Variants in RALYL observed in about 807,000 individuals in gnomAD.
RALYL encodes the protein RNA-binding Raly-like protein.
A neutral mutation model predicts 35.1 loss-of-function variants in RALYL; 29 were observed. That is an observed-to-expected ratio of 0.83 (90% CI 0.61 to 1.13). The LOEUF (loss-of-function observed/expected upper bound fraction) is 1.13. RALYL is among the 50% of genes most tolerant of loss of function. The pLI, the probability that RALYL is intolerant of heterozygous loss-of-function variation, is 0.00. For missense variants in RALYL, 359 were observed against 360.4 expected, an observed-to-expected ratio of 1.00 and a Z score of 0.03; for synonymous variants, 120 against 127.6, an observed-to-expected ratio of 0.94 and a Z score of 0.40.
At chr8:84,409,001 T>G (rs2043838092) in intron 1 of RALYL, among the ~76,000 whole-genome samples, 2 of 152,150 alleles carry the variant, frequency 1.3e-5, no homozygotes, top group Non-Finnish European at 2.9e-5. Flanking sequence ...TTAACTTTAG[T>G]CATCCTGATA....
At chr8:84,236,309 A>G (rs1826541215) in intron 1 of RALYL, among the ~76,000 whole-genome samples, 1 of 152,174 alleles carries the variant, frequency 6.6e-6, no homozygotes, top group Non-Finnish European at 1.5e-5. Context: ...AAATTACAGT[A>G]ATCAAAATTT....
chr8:84,599,805 A>C (rs1439842028), intron 2 of RALYL, among the ~76,000 whole-genome samples: 2 of 152,010 alleles, frequency 1.3e-5, no homozygotes, highest in Non-Finnish European at 2.9e-5. Context: ...TATTTTAGCT[A>C]TACACTTTTT....
chr8:84,564,762 G>A (rs917557618), intron 2 of RALYL, among the ~76,000 whole-genome samples: 21 of 151,530 alleles, frequency 1.4e-4, no homozygotes, highest in Middle Eastern at 3.4e-3. Context: ...ACATTTCATC[G>A]TATTTATATT....
intron 1 of RALYL, among the ~76,000 whole-genome samples, chr8:84,329,758 AT>A (rs1846477585): frequency 6.6e-6 from 1 of 152,040 alleles, no homozygotes; most frequent in Non-Finnish European, 1.5e-5. Context: ...GAACTTCTAT[AT>A]TTTTCACAAT....
intron 2 of RALYL, among the ~76,000 whole-genome samples, chr8:84,573,069 A>G (rs1588264549): frequency 1.3e-5 from 2 of 151,264 alleles, no homozygotes; most frequent in East Asian, 1.9e-4. Flanking sequence ...ATAACCTTTT[A>G]TTGTTTTTTC....
intron 4 of RALYL, among the ~76,000 whole-genome samples, chr8:84,823,768 C>G (rs1327888751): frequency 1.3e-5 from 2 of 152,022 alleles, no homozygotes; most frequent in Admixed American, 6.6e-5. Flanking sequence ...CTTCTTCCCT[C>G]TACTTCTTTA....
intron 1 of RALYL, among the ~76,000 whole-genome samples, chr8:84,313,407 G>C (rs879742674): frequency 2.0e-5 from 3 of 152,108 alleles, no homozygotes; most frequent in Non-Finnish European, 4.4e-5. Context: ...CAGAAAGTGG[G>C]GTTTTCTATC....
rs144624920 is a variant in RALYL, at chr8:84,322,777, C to T, written c.-24+138353C>T. Reference sequence around the variant, plus strand: ...GGTCCTATTTCTCATCAGTCTCAAGCTTCCCTACTTCCGGCCAGCTATTCT... The same window carrying T: ...GGTCCTATTTCTCATCAGTCTCAAGTTTCCCTACTTCCGGCCAGCTATTCT... On this transcript the variant is annotated intron_variant, in intron 1 of 8. Transcript: ENST00000521268. 7.4e-3 allele frequency among the ~76,000 whole-genome samples: 1,122 copies of T among 152,210 alleles called. 8 individuals are homozygous for T. The highest frequency in any genetic ancestry group is 8.5e-3 in the Non-Finnish European group (577 of 67,954).
intron 1 of RALYL, among the ~76,000 whole-genome samples, chr8:84,326,343 G>C (rs1458875448): frequency 6.6e-6 from 1 of 151,996 alleles, no homozygotes; most frequent in Non-Finnish European, 1.5e-5. Flanking sequence ...TCAGATTCCA[G>C]CCTTTGTTGA....
At chr8:84,540,313 T>TTG (rs138650642) in intron 2 of RALYL, among the ~76,000 whole-genome samples, 3,139 of 144,914 alleles carry the variant, frequency 0.022, 69 homozygotes, top group African/African-American at 0.063. Flanking sequence ...ATCATAGGAT[T>TTG]TGTGTGTGTG....
intron 8 of RALYL, among the ~76,000 whole-genome samples, chr8:84,907,697 A>G (rs112502644): frequency 2.0e-5 from 3 of 152,194 alleles, no homozygotes; most frequent in African/African-American, 7.2e-5. Flanking sequence ...TGCCAAATCT[A>G]TGCATCAGTG....
intron 2 of RALYL, among the ~76,000 whole-genome samples, chr8:84,674,497 A>G (rs755081868): frequency 6.6e-6 from 1 of 152,048 alleles, no homozygotes; most frequent in African/African-American, 2.4e-5. Flanking sequence ...TTAGTATGAT[A>G]TTGGCTGTGA....
At chr8:84,529,257 C>A in intron 1 of RALYL, 42 bp from the exon 2 acceptor site, 1 of 1,541,264 alleles carries the variant, frequency 6.5e-7, no homozygotes, top group Non-Finnish European at 8.8e-7. Context: ...TAATGATTTA[C>A]CTTTTGATTA....
intron 8 of RALYL, among the ~76,000 whole-genome samples, chr8:84,889,547 C>A (rs1843469813): frequency 6.6e-6 from 1 of 151,994 alleles, no homozygotes; most frequent in South Asian, 2.1e-4. Context: ...GCCATCTTCT[C>A]TTTCTACACC....
intron 2 of RALYL, among the ~76,000 whole-genome samples, chr8:84,695,193 G>A (rs150766041): frequency 6.6e-6 from 1 of 151,628 alleles, no homozygotes; most frequent in African/African-American, 2.4e-5. Flanking sequence ...ATATGTTTCA[G>A]CAGTTAATTT....
rs146663906 is a variant in RALYL at position 84,418,876 on chromosome 8, A to AT, written c.-23-110414dup. The stretch of plus-strand genomic sequence containing the variant: ...GCTTAGAGGCCTGCCATTTCTTTGG[A>AT]TTTTTTTTTCCATTTTATCACCTGA... On this transcript the variant is annotated intron_variant, in intron 1 of 8. Transcript: ENST00000521268. Among the ~76,000 whole-genome samples the AT allele has an allele frequency of 3.7e-3, 564 of 151,366 alleles. 4 individuals carry two copies. The highest frequency in any genetic ancestry group is 0.012 in the African/African-American group (506 of 41,208).
chr8:84,460,456 T>A (rs188135421), intron 1 of RALYL, among the ~76,000 whole-genome samples: 2 of 151,772 alleles, frequency 1.3e-5, no homozygotes, highest in Admixed American at 6.6e-5. Flanking sequence ...TTATGGTGCA[T>A]CCATAAAAAT....
At chr8:84,895,248 C>A (rs947875487) in intron 8 of RALYL, among the ~76,000 whole-genome samples, 1 of 151,696 alleles carries the variant, frequency 6.6e-6, no homozygotes, top group Non-Finnish European at 1.5e-5. Flanking sequence ...GAAATCAGTA[C>A]CATTATTTGG....
intron 1 of RALYL, among the ~76,000 whole-genome samples, chr8:84,267,226 T>C (rs1222952735): frequency 1.3e-5 from 2 of 152,138 alleles, no homozygotes; most frequent in Non-Finnish European, 2.9e-5. Flanking sequence ...TTCATAGTGA[T>C]CTATGAGTTT....
Sources: allele counts gnomAD v4.1 joint callset (sites outside exome capture counted in the v4.1 genomes callset), GRCh38; gene constraint gnomAD v4.1.1; transcripts MANE v1.5; gene names NCBI Gene and HGNC (gene_info 2026-07-23, HGNC 2026-07-21).